The following PLCG2 variants were observed in gnomAD, a reference collection of about 807,000 sequenced individuals.
PLCG2 encodes the protein phospholipase C gamma 2, also known as 1-phosphatidylinositol 4,5-bisphosphate phosphodiesterase gamma-2.
PLCG2 carries 69 observed loss-of-function variants against 175.6 expected under a neutral mutation model. That is an observed-to-expected ratio of 0.39 (90% CI 0.32 to 0.48). The LOEUF (loss-of-function observed/expected upper bound fraction) is 0.48. PLCG2 is among the 20% of genes least tolerant of loss of function. The probability of loss-of-function intolerance (pLI) is 0.91; values close to 1 mark genes in which losing one functional copy is unlikely to be tolerated. For missense variants in PLCG2, 1,798 were observed against 1,650.9 expected, an observed-to-expected ratio of 1.09 and a Z score of -1.54; for synonymous variants, 827 against 624.0, an observed-to-expected ratio of 1.33 and a Z score of -4.85.
chr16:81,839,575 A>AT (rs1905712879), intron 2 of PLCG2, among the ~76,000 whole-genome samples: 1 of 152,160 alleles, frequency 6.6e-6, no homozygotes, highest in African/African-American at 2.4e-5. Flanking sequence ...TTGATTCACT[A>AT]TTTTTAAACT....
intron 30 of PLCG2, among the ~76,000 whole-genome samples, chr16:81,944,124 T>C (rs1235676707): frequency 6.6e-6 from 1 of 152,192 alleles, no homozygotes; most frequent in East Asian, 1.9e-4. Flanking sequence ...CACTGTAAAG[T>C]AATACTGAGC....
intron 2 of PLCG2, among the ~76,000 whole-genome samples, chr16:81,795,479 C>G (rs894180796): frequency 6.6e-6 from 1 of 152,204 alleles, no homozygotes; most frequent in African/African-American, 2.4e-5. Context: ...AAGTTTATCT[C>G]TCACTCACTC....
chr16:81,767,449 C>G (rs545472659), intron 2 of PLCG2: 5 of 152,124 alleles, frequency 3.3e-5, no homozygotes, highest in African/African-American at 7.2e-5. Flanking sequence ...CTGGCCTCAA[C>G]TGATACACTC....
At chr16:81,743,295 G>A (rs918658500) in intron 1 of PLCG2, among the ~76,000 whole-genome samples, 7 of 152,212 alleles carry the variant, frequency 4.6e-5, no homozygotes, top group Admixed American at 1.3e-4. Context: ...AGGCTGCAGT[G>A]AGCCACAGTA....
At chr16:81,860,172 ATTTTTTT>A (rs1555513300) in intron 5 of PLCG2, among the ~76,000 whole-genome samples, 5 of 120,614 alleles carry the variant, frequency 4.1e-5, no homozygotes, top group African/African-American at 1.5e-4. Flanking sequence ...TATTATTATT[ATTTTTTT>A]TTTTTTTTGT....
chr16:81,919,751 T>A, intron 20 of PLCG2, 87 bp downstream of exon 20: 3 of 1,151,128 alleles, frequency 2.6e-6, no homozygotes, highest in Non-Finnish European at 3.8e-6. Context: ...AACCTCTGAG[T>A]ATTCACCATG....
intron 2 of PLCG2, among the ~76,000 whole-genome samples, chr16:81,820,651 C>T (rs553211815): frequency 2.6e-5 from 4 of 151,782 alleles, no homozygotes; most frequent in South Asian, 2.1e-4. Context: ...GACAGAGTCT[C>T]ACTCTATTAC....
At chr16:81,758,699 A>G (rs1597304830) in intron 2 of PLCG2, among the ~76,000 whole-genome samples, 1 of 147,572 alleles carries the variant, frequency 6.8e-6, no homozygotes, top group South Asian at 2.1e-4. Flanking sequence ...TTTTCCTGAG[A>G]CAGAGTCTCA....
At position 81,874,520 on chromosome 16, in the gene PLCG2, G is replaced by A. The variant is rs139124866; in HGVS notation, c.648+3585G>A. Among the ~76,000 whole-genome samples the A allele has an allele frequency of 2.2e-3, 337 of 152,314 alleles. 3 individuals carry two copies. Among genetic ancestry groups the A allele is most frequent in the African/African-American group, 7.5e-3 (312 of 41,570 alleles). ...TAAATGCCCATCCCCTAACCTGTTA[G>A]CAAATTGTTTACTTCCTGTTCCTGG... On this transcript the variant is annotated intron_variant, in intron 7 of 32. Transcript: ENST00000564138.
chr16:81,956,580 G>C (rs993963521), intron 31 of PLCG2, 115 bp from the exon 32 acceptor site: 3 of 774,446 alleles, frequency 3.9e-6, no homozygotes, highest in Non-Finnish European at 6.2e-6. Context: ...GCTAATCCAA[G>C]TTGCAAAACT....
intron 14 of PLCG2, among the ~76,000 whole-genome samples, chr16:81,902,321 G>T (rs1909185945): frequency 6.6e-6 from 1 of 152,098 alleles, no homozygotes; most frequent in Admixed American, 6.6e-5. Flanking sequence ...AAGCTGGGTG[G>T]GTTATAAACA....
Position 81,858,185 on chromosome 16 carries a change from C to G in PLCG2, c.338-78C>G, listed in dbSNP as rs36114479. ...CATAGGCTTCTCCCATCTTCGTGAT[C>G]TGTATGGGGCAGGGCTTTGTAAGCA... On this transcript the variant is annotated intron_variant, in intron 3 of 32. Coordinates refer to ENST00000564138, the MANE Select transcript of PLCG2 (RefSeq NM_002661.5). The G allele has an allele frequency of 0.093, 91,152 of 985,266 alleles. 4,784 individuals carry two copies. Among genetic ancestry groups the G allele is most frequent in the Non-Finnish European group, 0.1 (64,096 of 611,624 alleles). 61.0% of individuals were successfully genotyped at this position (985,266 alleles called of 1,614,324 possible).
chr16:81,909,966 C>T (rs1909544759), intron 17 of PLCG2, among the ~76,000 whole-genome samples: 1 of 142,306 alleles, frequency 7.0e-6, no homozygotes, highest in African/African-American at 2.6e-5. Flanking sequence ...ATCCAGGCAT[C>T]CTGGCTCTAG....
chr16:81,765,976 C>G (rs1331745304), intron 2 of PLCG2, among the ~76,000 whole-genome samples: 2 of 152,234 alleles, frequency 1.3e-5, no homozygotes, highest in Non-Finnish European at 2.9e-5. Context: ...CTGTGAGTCA[C>G]AAGACACTGA....
Position 81,961,776 on chromosome 16 carries a change from A to C in PLCG2, c.*3778A>C, listed in dbSNP as rs1182044309. 1 of 204,100 alleles carries C rather than the reference A, an allele frequency of 4.9e-6. No homozygotes were observed. The highest frequency in any genetic ancestry group is 2.3e-5 in the African/African-American group (1 of 43,786). 12.6% of individuals were successfully genotyped at this position (204,100 alleles called of 1,614,324 possible). On this transcript the variant is annotated 3_prime_UTR_variant, in exon 33 of 33. Transcript: ENST00000564138. ...ATTTAAAAAGTAATACAACAGTTTT[A>C]TTTAAACATGTAGTGTCTACGGTAT...
At chr16:81,902,008 G>C (rs1909172442) in intron 14 of PLCG2, among the ~76,000 whole-genome samples, 1 of 152,190 alleles carries the variant, frequency 6.6e-6, no homozygotes, top group African/African-American at 2.4e-5. Context: ...TTGTTTATGT[G>C]GTGGACGCTT....
chr16:81,881,223 T>C (rs910427468), intron 8 of PLCG2, among the ~76,000 whole-genome samples: 1 of 151,736 alleles, frequency 6.6e-6, no homozygotes, highest in African/African-American at 2.4e-5. Flanking sequence ...CGAATGTGCC[T>C]CATGAGATGT....
Position 81,883,357 on chromosome 16 carries a change from G to C in PLCG2, c.765+16G>C, listed in dbSNP as rs149401729. On this transcript the variant is annotated intron_variant, in intron 9 of 32. Transcript: ENST00000564138. ...TGAACAGCAGGTGAGAGCACAAGGT[G>C]TGTGGGTGCCTGAGGGAGCTGGCGG... is the stretch of plus-strand genomic sequence containing the variant. 6.2e-6 allele frequency: 10 copies of C among 1,609,112 alleles called. No homozygotes were observed. The highest frequency in any genetic ancestry group is 8.5e-7 in the Non-Finnish European group (1 of 1,175,846).
rs185805710 is a variant in PLCG2, at chr16:81,935,922, T to A, written c.2843-247T>A. The A allele has an allele frequency of 8.9e-5, 88 of 984,362 alleles. No homozygotes were observed. The African/African-American group carries it at 1.4e-3, about 15-fold the overall frequency. The allele number at this position is 984,362 out of a possible 1,614,324, so 61.0% of individuals were successfully genotyped here. A position where few individuals can be genotyped will look rare whatever the true frequency, so the allele number is the denominator to read the frequency against. Reference sequence around the variant, plus strand: ...GATGGTGATAGTTTAAAAAAAAAAGTAAATTACAGTAATTCTAGCCTAAAA... The same window carrying A: ...GATGGTGATAGTTTAAAAAAAAAAGAAAATTACAGTAATTCTAGCCTAAAA... On this transcript the variant is annotated intron_variant, in intron 26 of 32. Transcript: ENST00000564138.
Sources: allele counts gnomAD v4.1 joint callset (sites outside exome capture counted in the v4.1 genomes callset), GRCh38; gene constraint gnomAD v4.1.1; transcripts MANE v1.5; gene names NCBI Gene and HGNC (gene_info 2026-07-23, HGNC 2026-07-21).